Variants in DDAH1 observed in about 807,000 individuals in gnomAD.
DDAH1 encodes N(G),N(G)-dimethylarginine dimethylaminohydrolase 1.
In DDAH1, 19 loss-of-function variants were observed where a neutral mutation model predicts 28.8. The observed-to-expected ratio is 0.66, with a 90% confidence interval of 0.46 to 0.97. The LOEUF (loss-of-function observed/expected upper bound fraction) is 0.97. Among genes scored for constraint, DDAH1 ranks in the 50% least tolerant of loss-of-function variants. DDAH1 has a pLI of 0.00. For missense variants in DDAH1, 326 were observed against 375.9 expected, an observed-to-expected ratio of 0.87 and a Z score of 1.10; for synonymous variants, 153 against 154.4, an observed-to-expected ratio of 0.99 and a Z score of 0.07.
intron 1 of DDAH1, among the ~76,000 whole-genome samples, chr1:85,512,252 A>G (rs1657269629): frequency 6.6e-6 from 1 of 152,202 alleles, no homozygotes; most frequent in African/African-American, 2.4e-5. Context: ...CAAAAACCAC[A>G]TGATTATCTC....
chr1:85,471,334 G>A (rs1000866299), intron 2 of DDAH1, among the ~76,000 whole-genome samples: 1 of 152,120 alleles, frequency 6.6e-6, no homozygotes, highest in African/African-American at 2.4e-5. Context: ...TGGGTTCCTC[G>A]TTGGTTCTCT....
At chr1:85,403,741 A>C (rs180912405) in intron 1 of DDAH1, among the ~76,000 whole-genome samples, 4 of 152,282 alleles carry the variant, frequency 2.6e-5, no homozygotes, top group Admixed American at 2.6e-4. Flanking sequence ...TTTTCCCCCA[A>C]AACTGAATTA....
chr1:85,476,427 A>T (rs1655807781), intron 2 of DDAH1, among the ~76,000 whole-genome samples: 1 of 152,156 alleles, frequency 6.6e-6, no homozygotes, highest in South Asian at 2.1e-4. Context: ...GCTGGGAACC[A>T]CTTTCCAGCT....
At chr1:85,453,580 C>A (rs1654758621) in intron 1 of DDAH1, among the ~76,000 whole-genome samples, 1 of 152,164 alleles carries the variant, frequency 6.6e-6, no homozygotes, top group South Asian at 2.1e-4. Flanking sequence ...AAGGGATCAC[C>A]ACTGAAAACT....
chr1:85,466,909 C>T (rs915933542), upstream of DDAH1, among the ~76,000 whole-genome samples: 3 of 124,338 alleles, frequency 2.4e-5, no homozygotes, highest in Non-Finnish European at 4.7e-5. Flanking sequence ...GCGATCTCAG[C>T]TCACTGCAAC....
At chr1:85,443,041 T>C (rs4949903) in intron 1 of DDAH1, among the ~76,000 whole-genome samples, 9,140 of 152,316 alleles carry the variant, frequency 0.06, 378 homozygotes, top group Middle Eastern at 0.12. Context: ...TTAGATCCCA[T>C]TTGTCAATTT....
intron 2 of DDAH1, among the ~76,000 whole-genome samples, chr1:85,356,082 G>A (rs1649474245): frequency 6.6e-6 from 1 of 152,226 alleles, no homozygotes; most frequent in African/African-American, 2.4e-5. Context: ...CCACAGGGGT[G>A]TCTATGGTCC....
At chr1:85,462,466 G>A (rs920515993) in intron 1 of DDAH1, among the ~76,000 whole-genome samples, 1 of 152,170 alleles carries the variant, frequency 6.6e-6, no homozygotes, top group African/African-American at 2.4e-5. Flanking sequence ...AGAGATCAGT[G>A]ACAATAATTT....
Position 85,385,611 on chromosome 1 carries a change from G to A in DDAH1, c.304-26764C>T, listed in dbSNP as rs547845549. The stretch of plus-strand genomic sequence containing the variant: ...GTTAGAGCGGCCTGGCAGGAAGATG[G>A]TATAGGAGAGCAGCTGAGCTCATGG... On this transcript the variant is annotated intron_variant, in intron 1 of 5. Transcript: ENST00000284031. 2.0e-5 allele frequency among the ~76,000 whole-genome samples: 3 copies of A among 152,298 alleles called. No individual in the cohort carries two copies. In the East Asian group the frequency reaches 5.8e-4, roughly 29 times the overall value.
chr1:85,419,432 C>T (rs920298369), intron 1 of DDAH1, among the ~76,000 whole-genome samples: 2 of 149,418 alleles, frequency 1.3e-5, no homozygotes, highest in Non-Finnish European at 3.0e-5. Context: ...CCCAGCTATT[C>T]GGGAGGCTGA....
At chr1:85,481,339 C>G (rs1274770139) in intron 2 of DDAH1, among the ~76,000 whole-genome samples, 1 of 152,096 alleles carries the variant, frequency 6.6e-6, no homozygotes, top group East Asian at 1.9e-4. Context: ...CTCAGGTGAT[C>G]CGCCTGCCTC....
intron 2 of DDAH1, among the ~76,000 whole-genome samples, chr1:85,492,985 G>A (rs1194905222): frequency 6.6e-6 from 1 of 152,054 alleles, no homozygotes. Context: ...ACGAAGGGTT[G>A]CATTATCATT....
intron 4 of DDAH1, among the ~76,000 whole-genome samples, chr1:85,345,398 T>C (rs1012241062): frequency 2.6e-5 from 4 of 151,822 alleles, no homozygotes; most frequent in African/African-American, 7.3e-5. Flanking sequence ...AGAAAAACTA[T>C]AGGAAATGCA....
chr1:85,407,326 C>T (rs1234946074), intron 1 of DDAH1, among the ~76,000 whole-genome samples: 1 of 152,116 alleles, frequency 6.6e-6, no homozygotes, highest in Non-Finnish European at 1.5e-5. Flanking sequence ...GCGGAGCTGG[C>T]CAACAATGGA....
At chr1:85,451,305 A>G (rs930960662) in intron 1 of DDAH1, among the ~76,000 whole-genome samples, 3 of 152,202 alleles carry the variant, frequency 2.0e-5, no homozygotes, top group Non-Finnish European at 4.4e-5. Context: ...CTCAATCCTT[A>G]GGGGCTTGAA....
intron 1 of DDAH1, among the ~76,000 whole-genome samples, chr1:85,432,691 C>T (rs1460974124): frequency 6.6e-6 from 1 of 152,118 alleles, no homozygotes; most frequent in Non-Finnish European, 1.5e-5. Context: ...TACTGCAGAA[C>T]GAAACAGAAA....
intron 2 of DDAH1, among the ~76,000 whole-genome samples, chr1:85,481,994 C>T (rs927038272): frequency 9.2e-5 from 14 of 152,178 alleles, no homozygotes; most frequent in Non-Finnish European, 1.6e-4. Flanking sequence ...GAAGGGGGTA[C>T]GTCAGTTGCT....
chr1:85,537,012 GTA>G (rs1158672460), intron 1 of DDAH1, among the ~76,000 whole-genome samples: 1 of 142,158 alleles, frequency 7.0e-6, no homozygotes. Context: ...CAGTGTGTAT[GTA>G]TATATATATA....
chr1:85,496,456 C>G (rs985655144), intron 1 of DDAH1, among the ~76,000 whole-genome samples: 50 of 152,308 alleles, frequency 3.3e-4, no homozygotes, highest in African/African-American at 1.1e-3. Flanking sequence ...TAACTCACAA[C>G]TGAGTAAGTA....
Sources: allele counts gnomAD v4.1 joint callset (sites outside exome capture counted in the v4.1 genomes callset), GRCh38; gene constraint gnomAD v4.1.1; transcripts MANE v1.5; gene names NCBI Gene and HGNC (gene_info 2026-07-23, HGNC 2026-07-21).